Variants in PRKG1 observed in about 807,000 individuals in gnomAD.
PRKG1 encodes protein kinase cGMP-dependent 1.
PRKG1 carries 35 observed loss-of-function variants against 88.1 expected under a neutral mutation model. That is an observed-to-expected ratio of 0.40 (90% confidence interval 0.30 to 0.53). The LOEUF (loss-of-function observed/expected upper bound fraction) is 0.53. PRKG1 is among the 20% of genes least tolerant of loss of function. The pLI is 0.59. For missense variants in PRKG1, 540 were observed against 839.8 expected (o/e 0.64, Z 4.41); for synonymous variants, 303 against 292.5 (o/e 1.04, Z -0.37).
chr10:52,268,533 G>T lies in PRKG1; in HGVS notation c.1174-2817G>T, dbSNP rs149800413. Among the ~76,000 whole-genome samples, 40 of 152,112 alleles carry T rather than the reference G, an allele frequency of 2.6e-4. No individual in the cohort carries two copies. The East Asian group carries it at 7.4e-3, about 28-fold the overall frequency. On this transcript the variant is annotated intron_variant, in intron 10 of 17. Coordinates refer to ENST00000373980, the MANE Select transcript of PRKG1 (RefSeq NM_006258.4). The stretch of plus-strand genomic sequence containing the variant: ...AAATCACATGCCTAGCATAAGTTAA[G>T]CTTAAAGGTAATAGAAATATTGTTC...
intron 2 of PRKG1, among the ~76,000 whole-genome samples, chr10:51,164,839 G>T (rs908011490): frequency 6.6e-6 from 1 of 152,046 alleles, no homozygotes; most frequent in Non-Finnish European, 1.5e-5. Context: ...GAGAAGGGAA[G>T]TTTAGAGAAA....
intron 3 of PRKG1, among the ~76,000 whole-genome samples, chr10:51,766,371 G>A (rs1838163725): frequency 6.6e-6 from 1 of 152,066 alleles, no homozygotes; most frequent in Non-Finnish European, 1.5e-5. Flanking sequence ...TCTTCTTACT[G>A]TGCATGTTTT....
intron 3 of PRKG1, among the ~76,000 whole-genome samples, chr10:51,509,781 C>G (rs992774890): frequency 4.6e-5 from 7 of 152,232 alleles, no homozygotes; most frequent in Non-Finnish European, 1.0e-4. Flanking sequence ...CATGAGTAAA[C>G]CAAAGGCAAA....
chr10:51,871,831 A>G (rs1841166266), intron 4 of PRKG1, among the ~76,000 whole-genome samples: 1 of 152,122 alleles, frequency 6.6e-6, no homozygotes, highest in Non-Finnish European at 1.5e-5. Context: ...GTCTTGCTGC[A>G]GGGGGTGGAT....
chr10:51,348,256 C>A (rs1842159726), intron 2 of PRKG1, among the ~76,000 whole-genome samples: 1 of 152,126 alleles, frequency 6.6e-6, no homozygotes, highest in Non-Finnish European at 1.5e-5. Flanking sequence ...CACTCTCCTG[C>A]CCTTAAACCG....
intron 5 of PRKG1, among the ~76,000 whole-genome samples, chr10:52,030,034 G>A (rs74135114): frequency 6.6e-6 from 1 of 152,110 alleles, no homozygotes. Context: ...GTCTGAACTA[G>A]TTTCCTTACT....
At chr10:51,800,942 A>G (rs1192324877) in intron 3 of PRKG1, among the ~76,000 whole-genome samples, 1 of 152,040 alleles carries the variant, frequency 6.6e-6, no homozygotes, top group African/African-American at 2.4e-5. Context: ...TTTTGGGAGG[A>G]CACAAACATT....
chr10:51,303,742 GAATTT>G (rs1257602668), intron 2 of PRKG1, among the ~76,000 whole-genome samples: 1 of 151,402 alleles, frequency 6.6e-6, no homozygotes, highest in African/African-American at 2.4e-5. Flanking sequence ...CATATCTTTA[GAATTT>G]AATTCTCTTT....
chr10:51,287,616 A>G (rs1840476108), intron 2 of PRKG1, among the ~76,000 whole-genome samples: 1 of 152,254 alleles, frequency 6.6e-6, no homozygotes, highest in Non-Finnish European at 1.5e-5. Context: ...TAATAAATCT[A>G]TAAAGGGAAT....
chr10:51,083,684 C>T (rs1313527234), intron 1 of PRKG1, among the ~76,000 whole-genome samples: 1 of 152,158 alleles, frequency 6.6e-6, no homozygotes, highest in Non-Finnish European at 1.5e-5. Flanking sequence ...GCATTGCTGG[C>T]AGTTGAGAGG....
chr10:51,408,342 T>A (rs866248319), intron 2 of PRKG1, among the ~76,000 whole-genome samples: 27 of 152,354 alleles, frequency 1.8e-4, no homozygotes, highest in African/African-American at 6.0e-4. Context: ...TCCATGAGCA[T>A]GAGCCCACTG....
chr10:51,848,338 C>T (rs12252698), intron 4 of PRKG1, among the ~76,000 whole-genome samples: 20,541 of 152,062 alleles, frequency 0.14, 2,837 homozygotes, highest in African/African-American at 0.35. Flanking sequence ...GAAATAAAAA[C>T]AAACTCCACC....
intron 1 of PRKG1, among the ~76,000 whole-genome samples, chr10:51,150,512 C>G (rs1846043486): frequency 6.6e-6 from 1 of 152,074 alleles, no homozygotes. Flanking sequence ...TGGGGTTGTA[C>G]TACACAGAGG....
intron 3 of PRKG1, among the ~76,000 whole-genome samples, chr10:51,570,067 A>ATATATATATATATATGTGTG (rs1491310201): frequency 3.5e-5 from 4 of 113,078 alleles, no homozygotes; most frequent in African/African-American, 1.4e-4. Context: ...ATATATATAT[A>ATATATATATATATATGTGTG]TGTGTGTGTG....
At chr10:51,494,379 A>T (rs550072002) in intron 3 of PRKG1, among the ~76,000 whole-genome samples, 3 of 152,384 alleles carry the variant, frequency 2.0e-5, no homozygotes. Context: ...ATTTTAAAAA[A>T]TGGGTAACTA....
Position 51,258,592 on chromosome 10 carries a change from C to T in PRKG1, c.478+105262C>T, listed in dbSNP as rs114081251. Among the ~76,000 whole-genome samples, 887 of 152,344 alleles carry T rather than the reference C, an allele frequency of 5.8e-3. 4 individuals carry two copies. Among genetic ancestry groups the T allele is most frequent in the African/African-American group, 0.02 (842 of 41,582 alleles). On this transcript the variant is annotated intron_variant, in intron 2 of 17. Transcript: ENST00000373980. Reference sequence around the variant, plus strand: ...TCCACTGTGCATTCTGCTTCCACCTCTGTGAGGTGTAAGTCCTGCCACAGT... The same window carrying T: ...TCCACTGTGCATTCTGCTTCCACCTTTGTGAGGTGTAAGTCCTGCCACAGT...
chr10:51,287,518 G>A (rs902299901), intron 2 of PRKG1, among the ~76,000 whole-genome samples: 8 of 152,156 alleles, frequency 5.3e-5, no homozygotes, highest in African/African-American at 1.4e-4. Context: ...CACATGGAGC[G>A]TAAATTCTAG....
chr10:51,854,444 T>C (rs1840631077), intron 4 of PRKG1, among the ~76,000 whole-genome samples: 1 of 152,086 alleles, frequency 6.6e-6, no homozygotes, highest in Admixed American at 6.6e-5. Context: ...CCTGGAGAAT[T>C]TACTGAGTTA....
rs548033465 is a variant in PRKG1, at chr10:51,326,560, T to C, written c.479-141163T>C. On this transcript the variant is annotated intron_variant, in intron 2 of 17. Coordinates refer to ENST00000373980, the MANE Select transcript of PRKG1 (RefSeq NM_006258.4). ...ACCCAAGTAATTACTCCAGAGAATATACAAGATGCATTTTAAGTTTGCTAG... is the reference window on the plus strand; with the variant it reads ...ACCCAAGTAATTACTCCAGAGAATACACAAGATGCATTTTAAGTTTGCTAG... 1.9e-3 allele frequency among the ~76,000 whole-genome samples: 290 copies of C among 152,346 alleles called. 1 individual carries two copies. The highest frequency in any genetic ancestry group is 2.6e-3 in the Non-Finnish European group (180 of 68,030).
Sources: gnomAD v4.1 joint callset for allele counts (sites outside exome capture counted in the v4.1 genomes callset) on GRCh38, gnomAD v4.1.1 for gene constraint, MANE v1.5 for transcripts, NCBI Gene and HGNC (gene_info 2026-07-23, HGNC 2026-07-21) for gene names.